CES1: variants seen among roughly 807,000 people sequenced by gnomAD.
CES1 encodes the protein liver carboxylesterase 1.
In CES1, 50 loss-of-function variants were observed where a neutral mutation model predicts 53.0. That is an observed-to-expected ratio of 0.94 (90% CI 0.75 to 1.19). The LOEUF is 1.19. Among genes scored for constraint, CES1 ranks in the 50% most tolerant of loss-of-function variants. The probability of loss-of-function intolerance (pLI) is 0.00; values close to 1 mark genes in which losing one functional copy is unlikely to be tolerated. For missense variants in CES1, 534 were observed against 538.0 expected (o/e 0.99, Z 0.07); for synonymous variants, 202 against 210.1 (o/e 0.96, Z 0.33).
chr16:55,813,370 C>T (rs192695828), intron 8 of CES1, among the ~76,000 whole-genome samples: 3 of 152,090 alleles, frequency 2.0e-5, no homozygotes, highest in Non-Finnish European at 4.4e-5. Flanking sequence ...AATTGATTTT[C>T]GGTAGTCCTG....
At position 55,828,935 on chromosome 16, in the gene CES1, T is replaced by A; in HGVS notation, c.92A>T (p.His31Leu). The A allele has an allele frequency of 1.9e-6, 3 of 1,613,596 alleles. No individual in the cohort carries two copies. The highest frequency in any genetic ancestry group is 2.5e-6 in the Non-Finnish European group (3 of 1,179,846). The change falls in exon 2 of 14, where the codon CAT (histidine) becomes CTT (leucine). Residue 31 changes from histidine to leucine, a missense_variant. His to Leu is a moderately conservative substitution (Grantham distance 99, BLOSUM62 -3). This residue lies in a region of CES1 where 164 missense variants were observed against 162.4 expected (regional missense o/e 1.01). Transcript: ENST00000360526. ...PSSPPVVDTV[H>L]GKVLGKFVSL... ...GACGAACTTCCCCAGCACTTTGCCA[T>A]GCACGGTGTCCACCACAGGTGGCGA...
intron 8 of CES1, among the ~76,000 whole-genome samples, chr16:55,813,941 C>T (rs866016200): frequency 6.6e-6 from 1 of 152,218 alleles, no homozygotes; most frequent in Non-Finnish European, 1.5e-5. Flanking sequence ...CATGCAAATC[C>T]AGCTTCCCCT....
intron 10 of CES1, 53 bp downstream of exon 10, chr16:55,810,874 G>A: frequency 6.5e-7 from 1 of 1,533,690 alleles, no homozygotes; most frequent in Non-Finnish European, 9.0e-7. Context: ...ATTTGGGCAA[G>A]TCCTTGTCCC....
In CES1 at chr16:55,820,012, G is replaced by C. The variant is rs1390296290; in HGVS notation, c.801+360C>G. On this transcript the variant is annotated intron_variant, in intron 6 of 13. Transcript: ENST00000360526. ...ACTTACCAGCCATTAGGCAGACCCA[G>C]AGAGACACAAGACACCATCACTGCC... The C allele has an allele frequency of 5.5e-6, 3 of 547,410 alleles. No homozygotes were observed. The Admixed American group carries it at 9.3e-5, about 17-fold the overall frequency. 33.9% of individuals were successfully genotyped at this position (547,410 alleles called of 1,614,324 possible).
At chr16:55,815,605 C>A (rs2031906082) in intron 8 of CES1, among the ~76,000 whole-genome samples, 1 of 152,194 alleles carries the variant, frequency 6.6e-6, no homozygotes, top group Admixed American at 6.5e-5. Flanking sequence ...TTACCCCTTG[C>A]ATCCTGTCCA....
chr16:55,815,539 G>A (rs1200632823), intron 8 of CES1, among the ~76,000 whole-genome samples: 13 of 152,310 alleles, frequency 8.5e-5, no homozygotes, highest in African/African-American at 3.1e-4. Context: ...TGCCCTGTGT[G>A]GGCACAACCT....
At chr16:55,829,340 T>C (rs2032550496) in intron 1 of CES1, among the ~76,000 whole-genome samples, 2 of 152,254 alleles carry the variant, frequency 1.3e-5, no homozygotes, top group Non-Finnish European at 2.9e-5. Flanking sequence ...GGGTGTCCCA[T>C]ATTCTCACAA....
At chr16:55,811,216 A>AC (rs2031683410) in intron 9 of CES1, among the ~76,000 whole-genome samples, 1 of 151,552 alleles carries the variant, frequency 6.6e-6, no homozygotes, top group African/African-American at 2.4e-5. Context: ...TTTACAAAAA[A>AC]AAAAAACAAA....
chr16:55,824,996 T>C (rs2032360894), intron 3 of CES1, among the ~76,000 whole-genome samples: 4 of 152,284 alleles, frequency 2.6e-5, no homozygotes, highest in Admixed American at 2.6e-4. Flanking sequence ...GCATTCATCT[T>C]TGTGTGAAGA....
At chr16:55,810,449 G>C (rs1175045872) in intron 11 of CES1, 68 bp downstream of exon 11, 1 of 1,591,320 alleles carries the variant, frequency 6.3e-7, no homozygotes, top group Admixed American at 1.7e-5. Context: ...TCTATGCTGG[G>C]AGGTAGGTGG....
rs529073550 is a variant in CES1 at position 55,811,282 on chromosome 16, G to A, written c.1087-272C>T. 5.3e-5 allele frequency among the ~76,000 whole-genome samples: 8 copies of A among 150,526 alleles called. No homozygotes were observed. The South Asian group carries it at 1.5e-3, about 28-fold the overall frequency. On this transcript the variant is annotated intron_variant, in intron 9 of 13. Transcript: ENST00000360526. Reference sequence around the variant, plus strand: ...TTTTGCAGTGTGTGTGTGTGCGCGCGTGTGTGTGTGTGTGTCTGTGGCTGG... The same window carrying A: ...TTTTGCAGTGTGTGTGTGTGCGCGCATGTGTGTGTGTGTGTCTGTGGCTGG...
chr16:55,825,855 G>A (rs1421772606), intron 3 of CES1, among the ~76,000 whole-genome samples: 1 of 152,202 alleles, frequency 6.6e-6, no homozygotes, highest in Non-Finnish European at 1.5e-5. Flanking sequence ...CTTGGTATCA[G>A]ATTTTTAATC....
At chr16:55,816,839 A>C in intron 8 of CES1, 85 bp downstream of exon 8, 13 of 1,453,102 alleles carry the variant, frequency 8.9e-6, no homozygotes, top group Non-Finnish European at 1.2e-5. Flanking sequence ...TAATTACCCA[A>C]GAGATGATTC....
At position 55,821,314 on chromosome 16, in the gene CES1, T is replaced by G. The variant is rs1203104655; in HGVS notation, c.693+54A>C. On this transcript the variant is annotated intron_variant, in intron 5 of 13. Transcript: ENST00000360526. ...GCTGGATTGACAGGTGTCCAAGAGG[T>G]CTCATCAGCATCACATCAAGCGTGG... is the stretch of plus-strand genomic sequence containing the variant. 5.0e-6 allele frequency: 8 copies of G among 1,608,782 alleles called. No homozygotes were observed. The East Asian group carries it at 1.6e-4, about 31-fold the overall frequency.
At chr16:55,831,936 T>C (rs1480844708) in intron 1 of CES1, among the ~76,000 whole-genome samples, 1 of 151,966 alleles carries the variant, frequency 6.6e-6, no homozygotes, top group African/African-American at 2.4e-5. Context: ...CTATGTACCA[T>C]GTGTTTTGCT....
chr16:55,814,801 G>A (rs1459063866), intron 8 of CES1, among the ~76,000 whole-genome samples: 10 of 152,212 alleles, frequency 6.6e-5, no homozygotes, highest in Non-Finnish European at 5.9e-5. Context: ...GAGCTAGTTC[G>A]GACTGCCTGG....
intron 3 of CES1, among the ~76,000 whole-genome samples, chr16:55,824,038 A>G (rs1462053475): frequency 1.3e-5 from 2 of 152,376 alleles, no homozygotes; most frequent in East Asian, 3.9e-4. Context: ...TAGACTATTC[A>G]TGCACTCAGC....
Position 55,828,828 on chromosome 16 carries a change from T to C in CES1, c.199A>G (p.Thr67Ala). 6.2e-7 allele frequency: 1 copy of C among 1,614,278 alleles called. No homozygotes were observed. Among genetic ancestry groups the C allele is most frequent in the Non-Finnish European group, 8.5e-7 (1 of 1,180,046 alleles). Residue 67 changes from threonine to alanine, a missense_variant, in exon 2 of 14, where the codon ACT becomes GCT. Around this residue, in one of 5 missense-constraint regions of CES1, gnomAD observed 164 missense variants for 162.4 expected, o/e 1.01. Transcript: ENST00000360526. ...CATGGTTCTGCAGGCTGCGGTGGAG[T>C]AAACCTCAGGGGTCCAAGAGGCGGC... The part of the protein sequence containing the change: ...AKPPLGPLRF[T>A]PPQPAEPWSF...
chr16:55,823,140 G>GACTCTGCCCCTTCCCTCCTTT (rs1194650928), intron 4 of CES1, among the ~76,000 whole-genome samples: 2 of 151,740 alleles, frequency 1.3e-5, no homozygotes, highest in Non-Finnish European at 2.9e-5. Flanking sequence ...CTCCCTCTGT[G>GACTCTGCCCCTTCCCTCCTTT]ACTCTGCCCC....
Sources: gnomAD v4.1 joint callset for allele counts (sites outside exome capture counted in the v4.1 genomes callset) on GRCh38, gnomAD v4.1.1 for gene constraint, gnomAD v4.1.1 regional missense constraint, MANE v1.5 for transcripts, NCBI Gene and HGNC (gene_info 2026-07-23, HGNC 2026-07-21) for gene names.